The following RGS19 variants were observed in gnomAD, a reference collection of about 807,000 sequenced individuals.
RGS19 encodes the protein G alpha interacting protein.
A neutral mutation model predicts 22.0 loss-of-function variants in RGS19; 9 were observed. The observed-to-expected ratio is 0.41, with a 90% CI of 0.25 to 0.71. The LOEUF is 0.71. Among genes scored for constraint, RGS19 ranks in the 30% least tolerant of loss-of-function variants. RGS19 has a pLI of 0.32. For missense variants in RGS19, 256 were observed against 307.1 expected, an observed-to-expected ratio of 0.83 and a Z score of 1.24; for synonymous variants, 130 against 127.3, an observed-to-expected ratio of 1.02 and a Z score of -0.14.
At position 64,075,950 on chromosome 20, in the gene RGS19, C is replaced by T. The variant is rs547054423; in HGVS notation, c.152+575G>A. 3.9e-5 allele frequency among the ~76,000 whole-genome samples: 6 copies of T among 151,964 alleles called. No homozygotes were observed. The highest frequency in any genetic ancestry group is 2.1e-4 in the South Asian group (1 of 4,818). ...AGGCTGGAGTGCAATGACGCGATCTCGGCTCAACGCAACCTCCGCCTCCCA... is the reference window on the plus strand; with the variant it reads ...AGGCTGGAGTGCAATGACGCGATCTTGGCTCAACGCAACCTCCGCCTCCCA... On this transcript the variant is annotated intron_variant, in intron 3 of 5. Coordinates refer to ENST00000395042, the MANE Select transcript of RGS19 (RefSeq NM_005873.3). The surrounding 1 kb of genome is among the most constrained non-coding windows in gnomAD (Gnocchi z 4.6).
At chr20:64,076,723 G>A (rs1318590471) in intron 2 of RGS19, 77 bp from the exon 3 acceptor site, 3 of 1,521,606 alleles carry the variant, frequency 2.0e-6, no homozygotes, top group Non-Finnish European at 2.7e-6. Flanking sequence ...CCTTCCCATG[G>A]GTAGCCCTGT....
At position 64,075,494 on chromosome 20, in the gene RGS19, C is replaced by T. The variant is rs2059898061; in HGVS notation, c.153-953G>A. Among the ~76,000 whole-genome samples the T allele has an allele frequency of 6.6e-6, 1 of 152,148 alleles. No individual in the cohort carries two copies. The highest frequency in any genetic ancestry group is 6.5e-5 in the Admixed American group (1 of 15,280). ...CCTGACAGAACTAGGCCCCTGGGCT[C>T]CTCCCACCCCCTTTCCCGACTGCCC... On this transcript the variant is annotated intron_variant, in intron 3 of 5. Coordinates refer to ENST00000395042, the MANE Select transcript of RGS19 (RefSeq NM_005873.3). The surrounding 1 kb of genome is among the most constrained non-coding windows in gnomAD (Gnocchi z 4.6).
At chr20:64,078,529 C>T (rs2145550974) in intron 1 of RGS19, among the ~76,000 whole-genome samples, 1 of 152,340 alleles carries the variant, frequency 6.6e-6, no homozygotes, top group East Asian at 1.9e-4. Context: ...TCCCCCTGGG[C>T]TACCATCTCC....
At chr20:64,077,092 C>T (rs774661847) in intron 1 of RGS19, 138 bp from the exon 2 acceptor site, 1 of 472,724 alleles carries the variant, frequency 2.1e-6, no homozygotes, top group Non-Finnish European at 3.7e-6. Context: ...AGGGCTTCTA[C>T]CCCGACCCCA....
At chr20:64,077,155 G>A (rs1279466975) in intron 1 of RGS19, 1 of 403,192 alleles carries the variant, frequency 2.5e-6, no homozygotes, top group Non-Finnish European at 4.4e-6. Flanking sequence ...GGGAGCTGCA[G>A]CAGCTTCTGG....
In RGS19 at chr20:64,079,445, G is replaced by A. The variant is rs887327605; in HGVS notation, c.-220C>T. 6.6e-6 allele frequency: 1 copy of A among 151,756 alleles called. No individual in the cohort carries two copies. Among genetic ancestry groups the A allele is most frequent in the Non-Finnish European group, 1.5e-5 (1 of 67,844 alleles). 9.4% of individuals were successfully genotyped at this position (151,756 alleles called of 1,614,324 possible). A position where few individuals can be genotyped will look rare whatever the true frequency, so the allele number is the denominator to read the frequency against. On this transcript the variant is annotated 5_prime_UTR_variant, in exon 1 of 6. Transcript: ENST00000395042. This position sits in a 1 kb window ranked among gnomAD's most constrained non-coding sequence, Gnocchi z 5.1. Reference sequence around the variant, plus strand: ...CGCTCTGGAGGGAGGCTAGCGCCAGGAGCCCCCGATCGGCTGGGGCCGGGG... The same window carrying A: ...CGCTCTGGAGGGAGGCTAGCGCCAGAAGCCCCCGATCGGCTGGGGCCGGGG...
intron 1 of RGS19, among the ~76,000 whole-genome samples, chr20:64,077,848 C>T (rs1487592977): frequency 2.6e-5 from 4 of 152,280 alleles, no homozygotes; most frequent in African/African-American, 4.8e-5. Flanking sequence ...GATGCCACTT[C>T]GAATCCCAAG....
At position 64,073,858 on chromosome 20, in the gene RGS19, C is replaced by A; in HGVS notation, c.649G>T (p.Ala217Ser). The change falls in exon 6 of 6, where the codon GCC (alanine) becomes TCC (serine). Residue 217 changes from alanine to serine, a missense_variant. Physicochemically the swap from Ala to Ser is moderately conservative, Grantham distance 99 (BLOSUM62 1). Coordinates refer to ENST00000395042, the MANE Select transcript of RGS19 (RefSeq NM_005873.3). ...LQGPSQSSSE[A>S] is the part of the protein sequence containing the mutation. Reference sequence around the variant, plus strand: ...TCTGTGCTGCTGGGGGCGGCCTAGGCCTCGGAGGAGGACTGTGATGGCCCC... The same window carrying A: ...TCTGTGCTGCTGGGGGCGGCCTAGGACTCGGAGGAGGACTGTGATGGCCCC... The A allele has an allele frequency of 6.2e-7, 1 of 1,609,058 alleles. No homozygotes were observed. Among genetic ancestry groups the A allele is most frequent in the Non-Finnish European group, 8.5e-7 (1 of 1,177,332 alleles).
chr20:64,077,840 T>A (rs1253293198), intron 1 of RGS19, among the ~76,000 whole-genome samples: 7 of 152,140 alleles, frequency 4.6e-5, no homozygotes, highest in Non-Finnish European at 8.8e-5. Flanking sequence ...CCACCTAAGA[T>A]GCCACTTCGA....
At position 64,074,169 on chromosome 20, in the gene RGS19, T is replaced by C. The variant is rs1359414829; in HGVS notation, c.437A>G (p.Tyr146Cys). The change falls in exon 5 of 6, where the codon TAC becomes TGC. Residue 146 changes from tyrosine to cysteine, a missense_variant. Tyr to Cys is a radical substitution (Grantham distance 194, BLOSUM62 -2). Coordinates refer to ENST00000395042, the MANE Select transcript of RGS19 (RefSeq NM_005873.3). ...CTCCTTGGGGGACAGGATGGATACGTAGTCCTCGTAGATGAGCCTCGCCTT... is the reference window on the plus strand; with the variant it reads ...CTCCTTGGGGGACAGGATGGATACGCAGTCCTCGTAGATGAGCCTCGCCTT... ...DEKARLIYED[Y>C]VSILSPKEVS... 1 of 1,613,982 alleles carries C rather than the reference T, an allele frequency of 6.2e-7. No homozygotes were observed. Among genetic ancestry groups the C allele is most frequent in the Non-Finnish European group, 8.5e-7 (1 of 1,179,950 alleles).
intron 1 of RGS19, among the ~76,000 whole-genome samples, chr20:64,077,866 G>A (rs957395362): frequency 9.2e-5 from 14 of 152,066 alleles, no homozygotes; most frequent in African/African-American, 3.1e-4. Context: ...AAGTCTCCTT[G>A]GGCGATGGTA....
Position 64,073,304 on chromosome 20 carries a change from C to A in RGS19, c.*549G>T, listed in dbSNP as rs1389254288. On this transcript the variant is annotated 3_prime_UTR_variant, in exon 6 of 6. Transcript: ENST00000395042. ...AGGACATGTTTCCAGGTTTAAAGTTCATGAACATATAAAACAGAAATTGGG... is the reference window on the plus strand; with the variant it reads ...AGGACATGTTTCCAGGTTTAAAGTTAATGAACATATAAAACAGAAATTGGG... 1 of 152,396 alleles carries A rather than the reference C, an allele frequency of 6.6e-6. No homozygotes were observed. Among genetic ancestry groups the A allele is most frequent in the African/African-American group, 2.4e-5 (1 of 41,448 alleles). 9.4% of individuals were successfully genotyped at this position (152,396 alleles called of 1,614,324 possible).
chr20:64,076,492 C>T, intron 3 of RGS19, 33 bp downstream of exon 3: 1 of 1,611,416 alleles, frequency 6.2e-7, no homozygotes, highest in South Asian at 1.1e-5. Context: ...CCCTCGACCC[C>T]CTCGCCAGCT....
In RGS19 at chr20:64,074,165, T is replaced by A; in HGVS notation, c.441A>T (p.Val147=). The A allele has an allele frequency of 6.2e-6, 10 of 1,613,940 alleles. No homozygotes were observed. Among genetic ancestry groups the A allele is most frequent in the Non-Finnish European group, 8.5e-6 (10 of 1,179,940 alleles). Residue 147 remains valine, a synonymous_variant, in exon 5 of 6, where the codon GTA becomes GTT. Transcript: ENST00000395042. The part of the protein sequence containing the change: ...EKARLIYEDY[V]SILSPKEVSL... ...GCACCTCCTTGGGGGACAGGATGGA[T>A]ACGTAGTCCTCGTAGATGAGCCTCG...
In RGS19 at chr20:64,074,455, G is replaced by A. The variant is rs769401371; in HGVS notation, c.227+12C>T. On this transcript the variant is annotated intron_variant, in intron 4 of 5. Transcript: ENST00000395042. ...CCCCCCCAGCACGCACACACCAGCC[G>A]GCTGGACTCACCATACTTCACAGCT... 6 of 1,583,568 alleles carry A rather than the reference G, an allele frequency of 3.8e-6. No individual in the cohort carries two copies. The highest frequency in any genetic ancestry group is 2.3e-5 in the East Asian group (1 of 43,190).
In RGS19 at chr20:64,073,626, T is replaced by TGGCCCGCCCTGCACCTGGA. The variant is rs543041347; in HGVS notation, c.*208_*226dup. ...AGCTGCGGGCCGATGAGGGGGCTTC[T>TGGCCCGCCCTGCACCTGGA]GGCCCGCCCTGCACCTGGAGGCCCG... On this transcript the variant is annotated 3_prime_UTR_variant, in exon 6 of 6. Transcript: ENST00000395042. 57 of 507,442 alleles carry TGGCCCGCCCTGCACCTGGA rather than the reference T, an allele frequency of 1.1e-4. No individual in the cohort carries two copies. In the Middle Eastern group the frequency reaches 1.5e-3, roughly 14 times the overall value. 31.4% of individuals were successfully genotyped at this position (507,442 alleles called of 1,614,324 possible).
chr20:64,074,642 A>G (rs2059890375), intron 3 of RGS19, 101 bp from the exon 4 acceptor site: 1 of 1,140,896 alleles, frequency 8.8e-7, no homozygotes, highest in East Asian at 2.7e-5. Context: ...ATGGGCACCC[A>G]CTGCAGGAGG....
Position 64,073,692 on chromosome 20 carries a change from C to G in RGS19, c.*161G>C, listed in dbSNP as rs2059874882. 1.6e-6 allele frequency: 1 copy of G among 638,718 alleles called. No individual in the cohort carries two copies. The highest frequency in any genetic ancestry group is 2.6e-6 in the Non-Finnish European group (1 of 384,016). The allele number at this position is 638,718 out of a possible 1,614,324, so 39.6% of individuals were successfully genotyped here. ...TCCTGCTTGGCCACGGGTGGGCAGA[C>G]CCAGGAGACACAGCACTCCCCACTG... is the stretch of plus-strand genomic sequence containing the variant. On this transcript the variant is annotated 3_prime_UTR_variant, in exon 6 of 6. Transcript: ENST00000395042.
chr20:64,077,900 G>GA (rs1196417617), intron 1 of RGS19, among the ~76,000 whole-genome samples: 1 of 152,166 alleles, frequency 6.6e-6, no homozygotes, highest in South Asian at 2.1e-4. Flanking sequence ...CAGTGCCCCG[G>GA]AGGCAGTTGT....
Sources: gnomAD v4.1 joint callset for allele counts (sites outside exome capture counted in the v4.1 genomes callset) on GRCh38, gnomAD v4.1.1 for gene constraint, Gnocchi (gnomAD v3.1) non-coding constraint, MANE v1.5 for transcripts, NCBI Gene and HGNC (gene_info 2026-07-23, HGNC 2026-07-21) for gene names.